PCDHGA10: variants seen among roughly 807,000 people sequenced by gnomAD.
PCDHGA10 encodes protocadherin gamma subfamily A, 10.
In PCDHGA10, 42 loss-of-function variants were observed where a neutral mutation model predicts 59.5. The ratio of observed to expected loss-of-function variants is 0.71; its 90% CI spans 0.55 to 0.91. PCDHGA10 has a LOEUF of 0.91. PCDHGA10 is among the 40% of genes least tolerant of loss of function. The pLI is 0.00. For synonymous variants in PCDHGA10, 511 were observed against 517.2 expected, an observed-to-expected ratio of 0.99 and a Z score of 0.16; for missense variants, 1,111 against 1,198.2, an observed-to-expected ratio of 0.93 and a Z score of 1.07.
chr5:141,464,824 G>A (rs1329087889), intron 1 of PCDHGA10, among the ~76,000 whole-genome samples: 2 of 151,816 alleles, frequency 1.3e-5, no homozygotes, highest in African/African-American at 2.4e-5. Context: ...CTGTAGCCTC[G>A]CACTCCTGGG....
intron 1 of PCDHGA10, among the ~76,000 whole-genome samples, chr5:141,430,213 A>G (rs892801149): frequency 6.6e-6 from 1 of 151,106 alleles, no homozygotes; most frequent in Non-Finnish European, 1.5e-5. Context: ...AAATTATTAT[A>G]TTATATGATT....
At position 141,431,376 on chromosome 5, in the gene PCDHGA10, C is replaced by T. The variant is rs558222633; in HGVS notation, c.2436+15765C>T. The T allele has an allele frequency of 1.2e-6, 2 of 1,613,436 alleles. No homozygotes were observed. Among genetic ancestry groups the T allele is most frequent in the African/African-American group, 2.7e-5 (2 of 75,070 alleles). On this transcript the variant is annotated intron_variant, in intron 1 of 3. Coordinates refer to ENST00000398610, the MANE Select transcript of PCDHGA10 (RefSeq NM_018913.3). The surrounding 1 kb of genome is among the most constrained non-coding windows in gnomAD (Gnocchi z 4.8). Reference sequence around the variant, plus strand: ...CGCGCCCTGGACCGCGAAGAAAAGGCTGCTCACCACCTGGTCCTTACGGCC... The same window carrying T: ...CGCGCCCTGGACCGCGAAGAAAAGGTTGCTCACCACCTGGTCCTTACGGCC...
Position 141,486,243 on chromosome 5 carries a change from G to T in PCDHGA10, c.2437-8564G>T. ...TACATCACAGTGACCTCAGAGCTTG[G>T]AACCCTCCCCGAGAGTGCAGAACCT... is the stretch of plus-strand genomic sequence containing the variant. On this transcript the variant is annotated intron_variant, in intron 1 of 3. Coordinates refer to ENST00000398610, the MANE Select transcript of PCDHGA10 (RefSeq NM_018913.3). The surrounding 1 kb of genome is among the most constrained non-coding windows in gnomAD (Gnocchi z 5.0). 1 of 1,614,156 alleles carries T rather than the reference G, an allele frequency of 6.2e-7. No individual in the cohort carries two copies. Among genetic ancestry groups the T allele is most frequent in the Non-Finnish European group, 8.5e-7 (1 of 1,180,018 alleles).
rs2099883574 is a variant in PCDHGA10, at chr5:141,511,027, C to T, written c.2665C>T (p.Leu889=). The change falls in exon 4 of 4, where the codon CTG becomes TTG. Residue 889 remains leucine (L), a synonymous_variant. Transcript: ENST00000398610. ...CGCCCGCTACGGACCCCAGTTCACCCTGCAGCACGTGCCCGACTACCGCCA... is the reference window on the plus strand; with the variant it reads ...CGCCCGCTACGGACCCCAGTTCACCTTGCAGCACGTGCCCGACTACCGCCA... The part of the protein sequence containing the change: ...LSARYGPQFT[L]QHVPDYRQNV... 2 of 1,614,230 alleles carry T rather than the reference C, an allele frequency of 1.2e-6. No individual in the cohort carries two copies. The highest frequency in any genetic ancestry group is 1.7e-6 in the Non-Finnish European group (2 of 1,180,034).
intron 1 of PCDHGA10, among the ~76,000 whole-genome samples, chr5:141,436,290 T>C (rs2097808305): frequency 6.6e-6 from 1 of 152,164 alleles, no homozygotes; most frequent in Non-Finnish European, 1.5e-5. Flanking sequence ...GAACAAATCA[T>C]TGAGAGTTAG....
intron 1 of PCDHGA10, among the ~76,000 whole-genome samples, chr5:141,443,654 G>A (rs2098397947): frequency 6.6e-6 from 1 of 152,150 alleles, no homozygotes; most frequent in Non-Finnish European, 1.5e-5. Context: ...TGTTAGCATA[G>A]CATTTTACTG....
chr5:141,425,530 A>G (rs1485711838), intron 1 of PCDHGA10, among the ~76,000 whole-genome samples: 1 of 152,246 alleles, frequency 6.6e-6, no homozygotes, highest in Non-Finnish European at 1.5e-5. Flanking sequence ...ACATGAAACA[A>G]TAATCCTTTT....
chr5:141,485,426 C>T lies in PCDHGA10; in HGVS notation c.2437-9381C>T. 6.2e-7 allele frequency: 1 copy of T among 1,614,158 alleles called. No individual in the cohort carries two copies. Among genetic ancestry groups the T allele is most frequent in the South Asian group, 1.1e-5 (1 of 91,078 alleles). ...TGTGGATTTGGACAGCGGAGCCCTGCTCATCAAGAACCCAATCGACCGAGA... is the reference window on the plus strand; with the variant it reads ...TGTGGATTTGGACAGCGGAGCCCTGTTCATCAAGAACCCAATCGACCGAGA... On this transcript the variant is annotated intron_variant, in intron 1 of 3. Transcript: ENST00000398610. The surrounding 1 kb of genome is among the most constrained non-coding windows in gnomAD (Gnocchi z 5.7).
chr5:141,504,434 A>C (rs2099838201), intron 2 of PCDHGA10, among the ~76,000 whole-genome samples: 1 of 152,234 alleles, frequency 6.6e-6, no homozygotes, highest in South Asian at 2.1e-4. Flanking sequence ...CAACAGCTGC[A>C]GTGTGACTAG....
In PCDHGA10 at chr5:141,511,223, A is replaced by G. The variant is rs1193308928; in HGVS notation, c.*50A>G. On this transcript the variant is annotated 3_prime_UTR_variant, in exon 4 of 4. Transcript: ENST00000398610. ...AGGGCGGCCTCTCCCCAACCAGCCC[A>G]GCTTCTCCTTACCTGCACCCAGGCC... 1 of 1,604,390 alleles carries G rather than the reference A, an allele frequency of 6.2e-7. No individual in the cohort carries two copies.
chr5:141,467,672 AT>A (rs1199631144), intron 1 of PCDHGA10, among the ~76,000 whole-genome samples: 1 of 151,634 alleles, frequency 6.6e-6, no homozygotes, highest in Non-Finnish European at 1.5e-5. Context: ...GAAGATTTTT[AT>A]TTTTTTTAGA....
intron 3 of PCDHGA10, 149 bp downstream of exon 3, chr5:141,505,630 A>G (rs558394591): frequency 4.7e-5 from 69 of 1,480,262 alleles, no homozygotes; most frequent in Admixed American, 2.2e-5. Flanking sequence ...AATTCCAAAC[A>G]TAAAGCCTGG....
intron 2 of PCDHGA10, 84 bp downstream of exon 2, chr5:141,494,949 C>A (rs1193148622): frequency 6.2e-7 from 1 of 1,606,850 alleles, no homozygotes; most frequent in Non-Finnish European, 8.5e-7. Context: ...GAGGGCCCAG[C>A]ATTTGCTACA....
chr5:141,486,090 G>T lies in PCDHGA10; in HGVS notation c.2437-8717G>T, dbSNP rs190955361. 2.5e-6 allele frequency: 4 copies of T among 1,614,086 alleles called. No individual in the cohort carries two copies. In the East Asian group the frequency reaches 8.9e-5, roughly 36 times the overall value. On this transcript the variant is annotated intron_variant, in intron 1 of 3. Transcript: ENST00000398610. This position sits in a 1 kb window ranked among gnomAD's most constrained non-coding sequence, Gnocchi z 5.0. Reference sequence around the variant, plus strand: ...ACTACTGGAAAGCTTACTCTTTTGGGGCCCCTAGACTTTGAGAGTGAGAAT... The same window carrying T: ...ACTACTGGAAAGCTTACTCTTTTGGTGCCCCTAGACTTTGAGAGTGAGAAT...
At chr5:141,430,948 A>C (rs753305931) in intron 1 of PCDHGA10, 47 of 1,609,938 alleles carry the variant, frequency 2.9e-5, no homozygotes, top group Non-Finnish European at 4.0e-5. Context: ...CGGAGCGCGG[A>C]GTCCGCATCA....
At chr5:141,510,887 G>C (rs2099883217) in intron 3 of PCDHGA10, 60 bp from the exon 4 acceptor site, 2 of 1,612,600 alleles carry the variant, frequency 1.2e-6, no homozygotes, top group East Asian at 4.5e-5. Context: ...GGGGATATAA[G>C]ACAGTGACTG....
At chr5:141,419,570 G>T in intron 1 of PCDHGA10, 1 of 1,611,766 alleles carries the variant, frequency 6.2e-7, no homozygotes. Context: ...GGGTCCCGAC[G>T]GCTCCGCGCT....
rs1476740920 is a variant in PCDHGA10, at chr5:141,443,326, A to AC, written c.2436+27715_2436+27716insC. Among the ~76,000 whole-genome samples the AC allele has an allele frequency of 3.3e-5, 5 of 151,792 alleles. No homozygotes were observed. The South Asian group carries it at 8.3e-4, about 25-fold the overall frequency. ...CAAAAACCCATCTCTACAAAAAAAA[A>AC]AAACAAAAATTAACAAGGTTTAGTG... On this transcript the variant is annotated intron_variant, in intron 1 of 3. Transcript: ENST00000398610.
At chr5:141,417,440 T>C (rs889107076) in intron 1 of PCDHGA10, 1 of 166,232 alleles carries the variant, frequency 6.0e-6, no homozygotes, top group African/African-American at 2.4e-5. Flanking sequence ...TAAAAAGATA[T>C]GATAGTTATG....
Sources: allele counts gnomAD v4.1 joint callset (sites outside exome capture counted in the v4.1 genomes callset), GRCh38; gene constraint gnomAD v4.1.1; non-coding constraint Gnocchi (gnomAD v3.1); transcripts MANE v1.5; gene names NCBI Gene and HGNC (gene_info 2026-07-23, HGNC 2026-07-21).